TENM2: variants seen among roughly 807,000 people sequenced by gnomAD.
The protein encoded by TENM2 is teneurin-2.
Under a neutral mutation model 245.2 loss-of-function variants are expected in TENM2, and 52 were observed. The ratio of observed to expected loss-of-function variants is 0.21; its 90% CI spans 0.17 to 0.27. The LOEUF (loss-of-function observed/expected upper bound fraction) is 0.27, where lower values mean the gene tolerates loss of function less well. Ranked by LOEUF, TENM2 falls within the 10% of genes least tolerant of loss-of-function variation. The pLI, the probability that TENM2 is intolerant of heterozygous loss-of-function variation, is 1.00. For missense variants in TENM2, 3,046 were observed against 3,666.8 expected, an observed-to-expected ratio of 0.83 and a Z score of 4.37; for synonymous variants, 1,363 against 1,438.9, an observed-to-expected ratio of 0.95 and a Z score of 1.19.
intron 5 of TENM2, among the ~76,000 whole-genome samples, chr5:168,013,457 AGC>A (rs1288044438): frequency 6.6e-6 from 1 of 152,136 alleles, no homozygotes; most frequent in Non-Finnish European, 1.5e-5. Context: ...TACAAAAATT[AGC>A]CAGGCCTGGT....
intron 6 of TENM2, among the ~76,000 whole-genome samples, chr5:168,058,448 A>T (rs570836038): frequency 6.6e-6 from 1 of 152,186 alleles, no homozygotes; most frequent in Non-Finnish European, 1.5e-5. Flanking sequence ...ACCTAACAAC[A>T]TCTGCTGTGG....
At chr5:167,498,995 T>C (rs576349482) in intron 2 of TENM2, among the ~76,000 whole-genome samples, 2 of 152,252 alleles carry the variant, frequency 1.3e-5, no homozygotes, top group East Asian at 3.9e-4. Context: ...AATTGTAACA[T>C]ATACCAAAAT....
At chr5:166,994,752 C>T in the TENM2 span, among the ~76,000 whole-genome samples, 1 of 152,218 alleles carries the variant, frequency 6.6e-6, no homozygotes, top group East Asian at 1.9e-4. Flanking sequence ...TCACAATTGA[C>T]GTGTGGAAGA....
chr5:167,307,363 G>C (rs1200546171), intron 1 of TENM2, among the ~76,000 whole-genome samples: 1 of 152,112 alleles, frequency 6.6e-6, no homozygotes, highest in African/African-American at 2.4e-5. Context: ...CTATTATACT[G>C]TCAGGATTAA....
the TENM2 span, among the ~76,000 whole-genome samples, chr5:167,017,105 C>A: frequency 6.6e-6 from 1 of 152,110 alleles, no homozygotes; most frequent in Non-Finnish European, 1.5e-5. Context: ...GAGGAGATAA[C>A]TGAACATTGT....
intron 4 of TENM2, among the ~76,000 whole-genome samples, chr5:167,969,781 C>A (rs907139295): frequency 6.6e-6 from 1 of 152,196 alleles, no homozygotes; most frequent in Non-Finnish European, 1.5e-5. Context: ...GACATTTCAA[C>A]AACACTCCCT....
intron 22 of TENM2, among the ~76,000 whole-genome samples, chr5:168,217,532 C>T (rs1294749005): frequency 6.6e-6 from 1 of 152,228 alleles, no homozygotes; most frequent in African/African-American, 2.4e-5. Context: ...TCAAGTTCCA[C>T]AACAGACAAC....
chr5:167,914,629 C>T (rs1162567260), intron 3 of TENM2, among the ~76,000 whole-genome samples: 1 of 152,188 alleles, frequency 6.6e-6, no homozygotes, highest in Non-Finnish European at 1.5e-5. Flanking sequence ...TGGGTGGCTT[C>T]AAACAACAGA....
At chr5:167,478,856 T>C (rs1250300766) in intron 2 of TENM2, among the ~76,000 whole-genome samples, 1 of 152,218 alleles carries the variant, frequency 6.6e-6, no homozygotes, top group Non-Finnish European at 1.5e-5. Context: ...TACTTTATCT[T>C]AGCCCCACCC....
At chr5:167,329,444 C>T (rs993854190) in intron 1 of TENM2, among the ~76,000 whole-genome samples, 1 of 146,682 alleles carries the variant, frequency 6.8e-6, no homozygotes, top group Non-Finnish European at 1.5e-5. Flanking sequence ...TCCAGCTACC[C>T]GGGAGGCTGA....
chr5:167,192,594 A>G, the TENM2 span, among the ~76,000 whole-genome samples: 1 of 152,054 alleles, frequency 6.6e-6, no homozygotes, highest in African/African-American at 2.4e-5. Context: ...GGTGTGATCT[A>G]TTGAATTCAA....
At chr5:167,086,155 A>C in the TENM2 span, among the ~76,000 whole-genome samples, 1 of 152,154 alleles carries the variant, frequency 6.6e-6, no homozygotes, top group South Asian at 2.1e-4. Flanking sequence ...CAGCTAGACC[A>C]CCCTCAAACA....
At chr5:167,675,928 G>A (rs1364350382) in intron 2 of TENM2, among the ~76,000 whole-genome samples, 1 of 151,994 alleles carries the variant, frequency 6.6e-6, no homozygotes, top group African/African-American at 2.4e-5. Context: ...TGCTCAGGTT[G>A]CTTGGGTAGT....
At chr5:167,322,288 G>A (rs1386261750) in intron 1 of TENM2, among the ~76,000 whole-genome samples, 4 of 151,486 alleles carry the variant, frequency 2.6e-5, no homozygotes, top group Non-Finnish European at 5.9e-5. Flanking sequence ...ATCTATCAAG[G>A]GCCCACAGTG....
chr5:167,651,145 G>A (rs1754432833), intron 2 of TENM2, among the ~76,000 whole-genome samples: 1 of 151,738 alleles, frequency 6.6e-6, no homozygotes, highest in Admixed American at 6.6e-5. Flanking sequence ...CTCCAAATAA[G>A]AACTACCTTG....
chr5:168,179,992 C>A (rs1399562139), intron 13 of TENM2, among the ~76,000 whole-genome samples: 3 of 152,172 alleles, frequency 2.0e-5, no homozygotes, highest in Non-Finnish European at 4.4e-5. Context: ...AATGCACTGG[C>A]CTTGGGAGAC....
intron 2 of TENM2, among the ~76,000 whole-genome samples, chr5:167,816,320 T>G (rs143626430): frequency 3.9e-4 from 60 of 152,240 alleles, no homozygotes; most frequent in African/African-American, 1.3e-3. Flanking sequence ...GTTTTTGAAT[T>G]AGCTTGTATA....
chr5:167,895,604 A>G (rs1775154505), intron 3 of TENM2, among the ~76,000 whole-genome samples: 4 of 152,238 alleles, frequency 2.6e-5, no homozygotes, highest in Admixed American at 2.6e-4. Flanking sequence ...ACTCTCAAAT[A>G]CATACAAAGC....
the TENM2 span, among the ~76,000 whole-genome samples, chr5:167,058,661 G>A: frequency 6.6e-6 from 1 of 152,152 alleles, no homozygotes; most frequent in Non-Finnish European, 1.5e-5. Flanking sequence ...TGAGATGAGA[G>A]GATCACCTGA....
Sources: allele counts gnomAD v4.1 joint callset (sites outside exome capture counted in the v4.1 genomes callset), GRCh38; gene constraint gnomAD v4.1.1; transcripts MANE v1.5; gene names NCBI Gene and HGNC (gene_info 2026-07-23, HGNC 2026-07-21).